Variants in PSTPIP2 observed in about 807,000 individuals in gnomAD.
The protein encoded by PSTPIP2 is proline-serine-threonine phosphatase interacting protein 2.
Under a neutral mutation model 63.3 loss-of-function variants are expected in PSTPIP2, and 33 were observed. That is an observed-to-expected ratio of 0.52 (90% CI 0.40 to 0.70). PSTPIP2 has a LOEUF of 0.70. Among genes scored for constraint, PSTPIP2 ranks in the 30% least tolerant of loss-of-function variants. PSTPIP2 has a pLI of 0.00. For synonymous variants in PSTPIP2, 125 were observed against 132.7 expected, an observed-to-expected ratio of 0.94 and a Z score of 0.40; for missense variants, 312 against 400.7, an observed-to-expected ratio of 0.78 and a Z score of 1.89.
intron 2 of PSTPIP2, among the ~76,000 whole-genome samples, chr18:46,038,135 A>G (rs570681275): frequency 6.6e-6 from 1 of 152,304 alleles, no homozygotes; most frequent in African/African-American, 2.4e-5. Context: ...ATCAGAGCTC[A>G]CTGCAACCTT....
In PSTPIP2 at chr18:45,983,949, C is replaced by T. The variant is rs946895129; in HGVS notation, c.*1510G>A. 2.0e-5 allele frequency: 3 copies of T among 152,112 alleles called. No homozygotes were observed. Among genetic ancestry groups the T allele is most frequent in the Non-Finnish European group, 2.9e-5 (2 of 68,044 alleles). The allele number at this position is 152,112 out of a possible 1,614,324, so 9.4% of individuals were successfully genotyped here. A position where few individuals can be genotyped will look rare whatever the true frequency, so the allele number is the denominator to read the frequency against. On this transcript the variant is annotated 3_prime_UTR_variant, in exon 15 of 15. Transcript: ENST00000409746. ...ATCACCTGAGGTCAGGAGTTTGAGA[C>T]CAGCCTGACCAACATGGTAAAACCC...
intron 5 of PSTPIP2, among the ~76,000 whole-genome samples, chr18:46,006,432 T>G (rs2051728640): frequency 7.2e-6 from 1 of 139,850 alleles, no homozygotes; most frequent in Non-Finnish European, 1.5e-5. Flanking sequence ...AGTGCAGTGG[T>G]GCAATCTCAG....
chr18:46,014,343 T>G (rs964143186), intron 4 of PSTPIP2, among the ~76,000 whole-genome samples: 2 of 151,224 alleles, frequency 1.3e-5, no homozygotes, highest in Non-Finnish European at 2.9e-5. Flanking sequence ...TTCTAGGACA[T>G]AGCATCCTGA....
rs1214320703 is a variant in PSTPIP2 at position 46,024,649 on chromosome 18, T to C, written c.172A>G (p.Asn58Asp). The change falls in exon 3 of 15, where the codon AAC (asparagine) becomes GAC (aspartate). Residue 58 changes from asparagine to aspartate, a missense_variant. Asn to Asp is a conservative substitution (Grantham distance 23). Coordinates refer to ENST00000409746, the MANE Select transcript of PSTPIP2 (RefSeq NM_024430.4). ...CCACACGGCTTCTTCCTAGAGAGGT[T>C]GAGCAGATCTTTGCCATACCTCTCT... is the stretch of plus-strand genomic sequence containing the variant. The part of the protein sequence containing the change: ...IEERYGKDLL[N>D]LSRKKPCGQS... The C allele has an allele frequency of 6.2e-7, 1 of 1,614,172 alleles. No homozygotes were observed. The highest frequency in any genetic ancestry group is 8.5e-7 in the Non-Finnish European group (1 of 1,180,004).
chr18:46,058,326 C>T (rs1908847410), intron 1 of PSTPIP2, among the ~76,000 whole-genome samples: 2 of 151,942 alleles, frequency 1.3e-5, no homozygotes, highest in African/African-American at 2.4e-5. Flanking sequence ...TGATATTTTA[C>T]AATAAGCATG....
chr18:46,046,296 G>A (rs927191994), intron 1 of PSTPIP2, among the ~76,000 whole-genome samples: 1 of 152,180 alleles, frequency 6.6e-6, no homozygotes, highest in Non-Finnish European at 1.5e-5. Flanking sequence ...AACAGCACCC[G>A]CAGTCTCCAA....
At chr18:45,988,674 C>G in intron 14 of PSTPIP2, 28 bp downstream of exon 14, 1 of 1,514,694 alleles carries the variant, frequency 6.6e-7, no homozygotes, top group Non-Finnish European at 9.2e-7. Context: ...ACACATGACT[C>G]AATTATGTGA....
chr18:46,009,222 T>C (rs1361670747), intron 5 of PSTPIP2, among the ~76,000 whole-genome samples: 1 of 152,088 alleles, frequency 6.6e-6, no homozygotes, highest in Admixed American at 6.5e-5. Context: ...TGTGCCCTCA[T>C]TTATTAAAAG....
intron 2 of PSTPIP2, chr18:46,028,322 C>G: frequency 4.2e-6 from 2 of 471,132 alleles, no homozygotes; most frequent in Non-Finnish European, 8.4e-6. Context: ...GACTGGAAAG[C>G]CGGAGCGGGG....
intron 12 of PSTPIP2, among the ~76,000 whole-genome samples, chr18:45,991,374 C>G (rs1173130194): frequency 1.3e-5 from 2 of 152,178 alleles, no homozygotes; most frequent in African/African-American, 4.8e-5. Flanking sequence ...CCTCCCGTCT[C>G]TCTTGCAACT....
intron 10 of PSTPIP2, 40 bp downstream of exon 10, chr18:45,993,565 A>G (rs778959703): frequency 4.5e-6 from 7 of 1,555,032 alleles, no homozygotes; most frequent in Non-Finnish European, 6.2e-6. Context: ...AATGTATCCA[A>G]CATGCACACG....
At chr18:46,029,763 T>A in intron 2 of PSTPIP2, 1 of 566,058 alleles carries the variant, frequency 1.8e-6, no homozygotes, top group Non-Finnish European at 3.3e-6. Flanking sequence ...AAACTATTTC[T>A]CATGTTTACG....
intron 1 of PSTPIP2, among the ~76,000 whole-genome samples, chr18:46,054,337 C>T (rs1427253119): frequency 6.6e-6 from 1 of 151,920 alleles, no homozygotes; most frequent in Admixed American, 6.6e-5. Context: ...TCATTGGTTG[C>T]CAGGGGTTTA....
intron 3 of PSTPIP2, among the ~76,000 whole-genome samples, chr18:46,018,239 C>T (rs927609806): frequency 5.3e-5 from 8 of 152,078 alleles, no homozygotes; most frequent in African/African-American, 1.9e-4. Context: ...CCACTCTAAA[C>T]TAAATTTTTA....
chr18:46,046,009 G>A (rs1427260411), intron 1 of PSTPIP2, among the ~76,000 whole-genome samples: 2 of 152,236 alleles, frequency 1.3e-5, no homozygotes, highest in Non-Finnish European at 2.9e-5. Context: ...CCTTTCTGAG[G>A]ATAGACAAAC....
chr18:46,061,989 A>G (rs1308021997), intron 1 of PSTPIP2, among the ~76,000 whole-genome samples: 1 of 152,208 alleles, frequency 6.6e-6, no homozygotes, highest in African/African-American at 2.4e-5. Context: ...TAACATTCAA[A>G]TAGAAGCAGA....
In PSTPIP2 at chr18:46,040,024, G is replaced by A. The variant is rs577663874; in HGVS notation, c.57C>T (p.Ile19=). The A allele has an allele frequency of 6.2e-6, 10 of 1,611,072 alleles. No individual in the cohort carries two copies. Among genetic ancestry groups the A allele is most frequent in the African/African-American group, 5.3e-5 (4 of 74,942 alleles). The change falls in exon 2 of 15, where the codon ATC becomes ATT. Residue 19 remains isoleucine, a synonymous_variant. Coordinates refer to ENST00000409746, the MANE Select transcript of PSTPIP2 (RefSeq NM_024430.4). ...NFWSADILST[I]GYDNIIQHLN... ...GATGTTGGATAATGTTGTCATAGCC[G>A]ATGGTGCTGAGGATGTCTGCACTCT... is the stretch of plus-strand genomic sequence containing the variant.
At chr18:46,028,032 G>A (rs552928648) in intron 2 of PSTPIP2, among the ~76,000 whole-genome samples, 1 of 152,194 alleles carries the variant, frequency 6.6e-6, no homozygotes, top group African/African-American at 2.4e-5. Flanking sequence ...GTGGTGGCGC[G>A]TGCCTGTAAT....
chr18:46,028,094 G>T (rs1232901698), intron 2 of PSTPIP2, among the ~76,000 whole-genome samples: 1 of 152,258 alleles, frequency 6.6e-6, no homozygotes, highest in South Asian at 2.1e-4. Flanking sequence ...CCGGGAGGCG[G>T]AGGTTGCAGT....
Sources: gnomAD v4.1 joint callset for allele counts (sites outside exome capture counted in the v4.1 genomes callset) on GRCh38, gnomAD v4.1.1 for gene constraint, MANE v1.5 for transcripts, NCBI Gene and HGNC (gene_info 2026-07-23, HGNC 2026-07-21) for gene names.